Variants in CFAP52 observed in about 807,000 individuals in gnomAD.
The protein encoded by CFAP52 is cilia and flagella associated protein 52.
CFAP52 carries 57 observed loss-of-function variants against 70.5 expected under a neutral mutation model. The ratio of observed to expected loss-of-function variants is 0.81; its 90% CI spans 0.65 to 1.01. CFAP52 has a LOEUF of 1.01. Among genes scored for constraint, CFAP52 ranks in the 50% least tolerant of loss-of-function variants. The probability of loss-of-function intolerance (pLI) is 0.00; values close to 1 mark genes in which losing one functional copy is unlikely to be tolerated. For synonymous variants in CFAP52, 267 were observed against 292.5 expected, an observed-to-expected ratio of 0.91 and a Z score of 0.89; for missense variants, 785 against 788.5, an observed-to-expected ratio of 1.00 and a Z score of 0.05.
rs779089512 is a variant in CFAP52 at position 9,608,191 on chromosome 17, T to A, written c.826T>A (p.Cys276Ser). The A allele has an allele frequency of 1.2e-6, 2 of 1,611,564 alleles. No individual in the cohort carries two copies. Among genetic ancestry groups the A allele is most frequent in the Non-Finnish European group, 1.7e-6 (2 of 1,178,594 alleles). The change falls in exon 7 of 14, where the codon TGT becomes AGT. Residue 276 changes from cysteine to serine, a missense_variant. Physicochemically the swap from Cys to Ser is moderately radical, Grantham distance 112. Coordinates refer to ENST00000352665, the MANE Select transcript of CFAP52 (RefSeq NM_145054.5). ...VGSGAGLLVF[C>S]KSPGYKPIKK... Reference sequence around the variant, plus strand: ...CTCTGGAGCCGGACTGCTGGTCTTCTGTAAAAGCCCTGGCTACAAACCCAT... The same window carrying A: ...CTCTGGAGCCGGACTGCTGGTCTTCAGTAAAAGCCCTGGCTACAAACCCAT...
chr17:9,631,044 G>GAAAGAAAGAAAGAAAGAAAGAA (rs1294915894), intron 9 of CFAP52, among the ~76,000 whole-genome samples: 5 of 21,204 alleles, frequency 2.4e-4, no homozygotes, highest in East Asian at 1.7e-3. Context: ...GAGAGAGAGA[G>GAAAGAAAGAAAGAAAGAAAGAA]AGAGAGAGAG....
chr17:9,638,087 G>A (rs1028439921), intron 11 of CFAP52, among the ~76,000 whole-genome samples: 12 of 152,198 alleles, frequency 7.9e-5, no homozygotes, highest in Non-Finnish European at 1.8e-4. Flanking sequence ...GATATGGTAC[G>A]TCCAAACCTG....
chr17:9,629,136 C>T (rs964987771), intron 9 of CFAP52, among the ~76,000 whole-genome samples: 8 of 152,006 alleles, frequency 5.3e-5, no homozygotes, highest in Non-Finnish European at 8.8e-5. Flanking sequence ...ATGTGAGGAC[C>T]CTTTTTGTTG....
At position 9,608,229 on chromosome 17, in the gene CFAP52, G is replaced by T. The variant is rs182160437; in HGVS notation, c.854+10G>T. The T allele has an allele frequency of 5.5e-4, 886 of 1,600,476 alleles. 6 individuals carry two copies. The Middle Eastern group carries it at 5.6e-3, about 10-fold the overall frequency. On this transcript the variant is annotated intron_variant, in intron 7 of 13. Transcript: ENST00000352665. ...GCTACAAACCCATCAAGTAAGTTCC[G>T]GGTCTCACACAGTGGGGCTGGGTAG...
chr17:9,600,148 A>T lies in CFAP52; in HGVS notation c.718A>T (p.Thr240Ser). The T allele has an allele frequency of 6.2e-7, 1 of 1,614,060 alleles. No homozygotes were observed. The highest frequency in any genetic ancestry group is 1.1e-5 in the South Asian group (1 of 91,070). ...AATGAACCCCAGGACTAAACTGCTG[A>T]CAGATGTTGGGCCTGCGAAGGACAA... ...LKMNPRTKLL[T>S]DVGPAKDKFS... The change falls in exon 6 of 14, where the codon ACA becomes TCA. Residue 240 changes from threonine (T) to serine (S), a missense_variant. By Grantham distance (58) the Thr-to-Ser change is moderately conservative. Coordinates refer to ENST00000352665, the MANE Select transcript of CFAP52 (RefSeq NM_145054.5).
intron 12 of CFAP52, among the ~76,000 whole-genome samples, chr17:9,640,174 C>A (rs1316470723): frequency 1.3e-5 from 2 of 150,348 alleles, no homozygotes; most frequent in African/African-American, 4.9e-5. Context: ...CAATGAGAAA[C>A]AAATGAAATG....
intron 5 of CFAP52, among the ~76,000 whole-genome samples, chr17:9,599,373 T>C (rs1909163136): frequency 6.6e-6 from 1 of 152,224 alleles, no homozygotes; most frequent in African/African-American, 2.4e-5. Context: ...ATTTTATGGA[T>C]ATAAGCTTTG....
intron 4 of CFAP52, among the ~76,000 whole-genome samples, chr17:9,596,059 G>GTGTGTGTGTGTATA (rs1555541607): frequency 9.4e-5 from 8 of 85,210 alleles, no homozygotes; most frequent in Admixed American, 4.0e-4. Flanking sequence ...ATATGTGTGT[G>GTGTGTGTGTGTATA]TATATATATA....
chr17:9,625,396 C>T (rs970226344), intron 8 of CFAP52, among the ~76,000 whole-genome samples: 1 of 151,180 alleles, frequency 6.6e-6, no homozygotes, highest in Non-Finnish European at 1.5e-5. Flanking sequence ...GATTTTCTAG[C>T]CCTCAACTCT....
At chr17:9,605,896 T>A (rs1303454530) in intron 6 of CFAP52, among the ~76,000 whole-genome samples, 1 of 151,930 alleles carries the variant, frequency 6.6e-6, no homozygotes, top group Non-Finnish European at 1.5e-5. Context: ...ATGTACACAA[T>A]GGATTTTGGG....
chr17:9,611,338 A>C (rs2151941728), intron 7 of CFAP52, among the ~76,000 whole-genome samples: 1 of 152,108 alleles, frequency 6.6e-6, no homozygotes, highest in African/African-American at 2.4e-5. Context: ...GTTCTGGCAA[A>C]GACAACCCCT....
intron 12 of CFAP52, among the ~76,000 whole-genome samples, chr17:9,639,457 G>A (rs938416454): frequency 6.6e-5 from 10 of 151,816 alleles, no homozygotes; most frequent in African/African-American, 1.5e-4. Flanking sequence ...TCTACATATG[G>A]TACAGATTTC....
intron 1 of CFAP52, among the ~76,000 whole-genome samples, chr17:9,580,490 C>T (rs1211969367): frequency 1.3e-5 from 2 of 151,988 alleles, no homozygotes; most frequent in East Asian, 3.9e-4. Context: ...GAGTTTGAGA[C>T]CAGCCTGGGC....
chr17:9,610,754 G>T (rs1047963889), intron 7 of CFAP52, among the ~76,000 whole-genome samples: 27 of 152,064 alleles, frequency 1.8e-4, no homozygotes, highest in African/African-American at 6.5e-4. Context: ...GGCCAGGCTG[G>T]TCTCAAACTC....
chr17:9,596,668 GA>G (rs560903712), intron 4 of CFAP52, among the ~76,000 whole-genome samples: 41 of 150,778 alleles, frequency 2.7e-4, no homozygotes, highest in Non-Finnish European at 3.5e-4. Context: ...TCAATACCTT[GA>G]AAAAAACACA....
At chr17:9,588,774 ATT>A (rs34511627) in intron 3 of CFAP52, among the ~76,000 whole-genome samples, 3,859 of 144,150 alleles carry the variant, frequency 0.027, 169 homozygotes, top group African/African-American at 0.093. Flanking sequence ...ACAGAAAAGA[ATT>A]TTTTTTTTTT....
intron 9 of CFAP52, among the ~76,000 whole-genome samples, chr17:9,629,734 G>C (rs1017852880): frequency 2.0e-5 from 3 of 151,608 alleles, no homozygotes; most frequent in African/African-American, 4.9e-5. Flanking sequence ...GACTACAGGC[G>C]TGTGTCATCA....
intron 6 of CFAP52, among the ~76,000 whole-genome samples, chr17:9,606,904 C>T (rs116275977): frequency 6.6e-6 from 1 of 152,166 alleles, no homozygotes; most frequent in Non-Finnish European, 1.5e-5. Context: ...GCCTTGGTTT[C>T]TCTTCTCAAT....
chr17:9,630,575 G>A (rs1276341461), intron 9 of CFAP52, among the ~76,000 whole-genome samples: 13 of 149,430 alleles, frequency 8.7e-5, no homozygotes, highest in Admixed American at 2.0e-4. Flanking sequence ...GACTACAGGC[G>A]CCCGCTACCA....
Sources: allele counts gnomAD v4.1 joint callset (sites outside exome capture counted in the v4.1 genomes callset), GRCh38; gene constraint gnomAD v4.1.1; transcripts MANE v1.5; gene names NCBI Gene and HGNC (gene_info 2026-07-23, HGNC 2026-07-21).